Variants in SRGAP3 observed in about 807,000 individuals in gnomAD.
The protein encoded by SRGAP3 is SLIT-ROBO Rho GTPase-activating protein 3.
SRGAP3 carries 39 observed loss-of-function variants against 121.1 expected under a neutral mutation model. That is an observed-to-expected ratio of 0.32 (90% confidence interval 0.25 to 0.42). The LOEUF (loss-of-function observed/expected upper bound fraction) is 0.42, where lower values mean the gene tolerates loss of function less well. SRGAP3 is among the 10% of genes least tolerant of loss of function. The pLI is 1.00. For missense variants in SRGAP3, 1,213 were observed against 1,470.6 expected (o/e 0.82, Z 2.86); for synonymous variants, 601 against 570.0 (o/e 1.05, Z -0.77).
chr3:9,309,294 T>C (rs1955205780), intron 3 of SRGAP3, among the ~76,000 whole-genome samples: 1 of 152,170 alleles, frequency 6.6e-6, no homozygotes, highest in Non-Finnish European at 1.5e-5. Context: ...AGCTACTAAC[T>C]TTTGGAGTGT....
chr3:9,065,918 A>G (rs377561754), intron 4 of SRGAP3, among the ~76,000 whole-genome samples: 11 of 152,162 alleles, frequency 7.2e-5, no homozygotes, highest in African/African-American at 2.7e-4. Context: ...CTGGCCTCTC[A>G]CTTTTAATCC....
intron 4 of SRGAP3, among the ~76,000 whole-genome samples, chr3:9,074,813 T>G (rs1376269493): frequency 6.6e-6 from 1 of 152,026 alleles, no homozygotes; most frequent in Non-Finnish European, 1.5e-5. Context: ...AAAGGTAGAG[T>G]GATTCATGGC....
intron 1 of SRGAP3, among the ~76,000 whole-genome samples, chr3:9,244,605 A>C (rs1044759362): frequency 6.6e-6 from 1 of 152,234 alleles, no homozygotes; most frequent in African/African-American, 2.4e-5. Context: ...AAGATCACCA[A>C]ATATCATCAG....
chr3:9,330,911 T>G (rs1219370940), intron 1 of SRGAP3, among the ~76,000 whole-genome samples: 1 of 152,198 alleles, frequency 6.6e-6, no homozygotes, highest in African/African-American at 2.4e-5. Flanking sequence ...TACAGACGCA[T>G]ACTACTAAGT....
At chr3:9,250,055 C>T (rs1372284269), upstream of SRGAP3, among the ~76,000 whole-genome samples, 4 of 152,034 alleles carry the variant, frequency 2.6e-5, no homozygotes, top group Non-Finnish European at 5.9e-5. Context: ...AGAGACGATG[C>T]GAGGAGTTAA....
chr3:9,302,032 C>G (rs1426107069), intron 3 of SRGAP3, among the ~76,000 whole-genome samples: 1 of 152,152 alleles, frequency 6.6e-6, no homozygotes, highest in Non-Finnish European at 1.5e-5. Context: ...GTCGTCTTGC[C>G]GAGAGCTAAC....
At chr3:9,316,895 T>A (rs1955356148) in intron 3 of SRGAP3, among the ~76,000 whole-genome samples, 1 of 152,172 alleles carries the variant, frequency 6.6e-6, no homozygotes, top group South Asian at 2.1e-4. Flanking sequence ...TGAGTTTTTT[T>A]AAAGCCTGAG....
At chr3:9,300,046 C>A (rs1320010432) in intron 3 of SRGAP3, among the ~76,000 whole-genome samples, 3 of 150,446 alleles carry the variant, frequency 2.0e-5, no homozygotes, top group Non-Finnish European at 4.4e-5. Context: ...AATGATAGCA[C>A]CTTCCTCAAA....
intron 1 of SRGAP3, among the ~76,000 whole-genome samples, chr3:9,213,649 G>A (rs1202066365): frequency 6.6e-6 from 1 of 152,132 alleles, no homozygotes. Flanking sequence ...CCAGAAAATT[G>A]GTCCCATCAC....
chr3:9,237,470 T>C (rs1953455916), intron 1 of SRGAP3, among the ~76,000 whole-genome samples: 2 of 152,322 alleles, frequency 1.3e-5, no homozygotes, highest in South Asian at 2.1e-4. Flanking sequence ...AAAAATATCA[T>C]ATAGCTTTTA....
At chr3:9,298,717 C>T (rs966802066) in intron 3 of SRGAP3, among the ~76,000 whole-genome samples, 1 of 152,074 alleles carries the variant, frequency 6.6e-6, no homozygotes, top group African/African-American at 2.4e-5. Flanking sequence ...CAGGGAAAGA[C>T]CTAGAAGGAT....
intron 3 of SRGAP3, among the ~76,000 whole-genome samples, chr3:9,320,913 A>T (rs1375204205): frequency 6.6e-6 from 1 of 151,920 alleles, no homozygotes; most frequent in Admixed American, 6.5e-5. Context: ...ATATATATAT[A>T]GTGTGTATAT....
intron 17 of SRGAP3, among the ~76,000 whole-genome samples, chr3:9,012,092 T>C (rs1283943492): frequency 6.6e-6 from 1 of 152,238 alleles, no homozygotes; most frequent in Non-Finnish European, 1.5e-5. Flanking sequence ...TGCTCCCTAG[T>C]GCCTCAAACG....
Position 8,985,322 on chromosome 3 carries a change from G to A in SRGAP3, c.*197C>T, listed in dbSNP as rs1416362854. 3.3e-6 allele frequency: 4 copies of A among 1,221,284 alleles called. No individual in the cohort carries two copies. The highest frequency in any genetic ancestry group is 2.8e-5 in the East Asian group (1 of 35,926). 75.7% of individuals were successfully genotyped at this position (1,221,284 alleles called of 1,614,324 possible). Reference sequence around the variant, plus strand: ...CTCCTCTGGTCGTCTGTTGACACGCGAGAGGTCCGTGGGATTCCCATGGCT... The same window carrying A: ...CTCCTCTGGTCGTCTGTTGACACGCAAGAGGTCCGTGGGATTCCCATGGCT... On this transcript the variant is annotated 3_prime_UTR_variant, in exon 22 of 22. Coordinates refer to ENST00000383836, the MANE Select transcript of SRGAP3 (RefSeq NM_014850.4). The surrounding 1 kb of genome is among the most constrained non-coding windows in gnomAD (Gnocchi z 5.1).
rs796554258 is a variant in SRGAP3 at position 9,304,779 on chromosome 3, A to G, written n.442+21231T>C. Reference sequence around the variant, plus strand: ...ATCTTCCCAGGGCTTCCCATTTCCAATTTTGAGTCCCTTATTCCTGAAGAA... The same window carrying G: ...ATCTTCCCAGGGCTTCCCATTTCCAGTTTTGAGTCCCTTATTCCTGAAGAA... On this transcript the variant is annotated intron_variant and non_coding_transcript_variant, in intron 3 of 3. Transcript: ENST00000490889. 2.6e-5 allele frequency among the ~76,000 whole-genome samples: 4 copies of G among 151,906 alleles called. No homozygotes were observed. In the East Asian group the frequency reaches 5.8e-4, roughly 22 times the overall value.
At chr3:9,220,039 TG>T (rs1952758164) in intron 1 of SRGAP3, among the ~76,000 whole-genome samples, 1 of 151,796 alleles carries the variant, frequency 6.6e-6, no homozygotes, top group African/African-American at 2.4e-5. Context: ...GAAGGTAGGG[TG>T]GGGCGGGGAG....
intron 1 of SRGAP3, among the ~76,000 whole-genome samples, chr3:9,150,104 G>C (rs1453805289): frequency 6.6e-6 from 1 of 152,160 alleles, no homozygotes; most frequent in African/African-American, 2.4e-5. Context: ...GCAAGTGCAG[G>C]GCACAGGGTG....
intron 3 of SRGAP3, among the ~76,000 whole-genome samples, chr3:9,273,026 A>G (rs1011347310): frequency 6.6e-6 from 1 of 152,164 alleles, no homozygotes; most frequent in African/African-American, 2.4e-5. Context: ...GGCACCAGGG[A>G]CGGGTTTCAC....
chr3:9,316,160 T>A (rs1955342066), intron 3 of SRGAP3, among the ~76,000 whole-genome samples: 1 of 152,100 alleles, frequency 6.6e-6, no homozygotes, highest in Non-Finnish European at 1.5e-5. Context: ...GAGGTTCTTA[T>A]GCCTCAGCCA....
Sources: gnomAD v4.1 joint callset for allele counts (sites outside exome capture counted in the v4.1 genomes callset) on GRCh38, gnomAD v4.1.1 for gene constraint, Gnocchi (gnomAD v3.1) non-coding constraint, MANE v1.5 for transcripts, NCBI Gene and HGNC (gene_info 2026-07-23, HGNC 2026-07-21) for gene names.